Variants in FBXL17 observed in about 807,000 individuals in gnomAD.
The protein encoded by FBXL17 is F-box/LRR-repeat protein 17.
A neutral mutation model predicts 66.2 loss-of-function variants in FBXL17; 22 were observed. The ratio of observed to expected loss-of-function variants is 0.33; its 90% CI spans 0.24 to 0.47. FBXL17 has a LOEUF of 0.47. Ranked by LOEUF, FBXL17 falls within the 20% of genes least tolerant of loss-of-function variation. FBXL17 has a pLI of 1.00. For missense variants in FBXL17, 878 were observed against 948.2 expected (o/e 0.93, Z 0.97); for synonymous variants, 474 against 400.5 (o/e 1.18, Z -2.19).
At chr5:108,167,690 T>C (rs1232516578) in intron 6 of FBXL17, among the ~76,000 whole-genome samples, 8 of 152,254 alleles carry the variant, frequency 5.3e-5, no homozygotes, top group Admixed American at 3.3e-4. Flanking sequence ...TTTTATAAAA[T>C]GAATATGTCA....
chr5:108,358,967 G>A (rs1438741850), intron 3 of FBXL17, among the ~76,000 whole-genome samples: 2 of 151,918 alleles, frequency 1.3e-5, no homozygotes, highest in African/African-American at 4.8e-5. Flanking sequence ...AGCCTCCTGG[G>A]CTCAAGCAAT....
At chr5:107,910,112 A>G (rs1298964458) in intron 7 of FBXL17, among the ~76,000 whole-genome samples, 1 of 123,944 alleles carries the variant, frequency 8.1e-6, no homozygotes, top group Non-Finnish European at 1.7e-5. Context: ...GCAGTGTGGG[A>G]TGGGGGTTTG....
rs527710544 is a variant in FBXL17, at chr5:107,936,431, AT to A, written c.1823-55253del. Among the ~76,000 whole-genome samples the A allele has an allele frequency of 5.3e-3, 807 of 152,114 alleles. 8 individuals are homozygous for A. Among genetic ancestry groups the A allele is most frequent in the African/African-American group, 0.019 (779 of 41,526 alleles). On this transcript the variant is annotated intron_variant, in intron 7 of 8. Coordinates refer to ENST00000542267, the MANE Select transcript of FBXL17 (RefSeq NM_001163315.3). ...TTGCAAGTTACTTAATTTACTATTTATTTTTTTAAAAAAAATTCCCAGGGGC... is the reference window on the plus strand; with the variant it reads ...TTGCAAGTTACTTAATTTACTATTTATTTTTTAAAAAAAATTCCCAGGGGC...
At chr5:107,879,378 G>T in intron 8 of FBXL17, 1 of 985,290 alleles carries the variant, frequency 1.0e-6, no homozygotes, top group Non-Finnish European at 1.2e-6. Flanking sequence ...TGTCTTAAAA[G>T]AAGTCATTTT....
intron 7 of FBXL17, among the ~76,000 whole-genome samples, chr5:107,935,409 ATATGTG>A (rs1269761719): frequency 5.4e-5 from 8 of 149,076 alleles, no homozygotes; most frequent in African/African-American, 1.7e-4. Context: ...TTATATATAT[ATATGTG>A]TGTGTGTGTG....
intron 4 of FBXL17, among the ~76,000 whole-genome samples, chr5:108,331,015 T>G (rs970291798): frequency 1.3e-5 from 2 of 152,150 alleles, no homozygotes; most frequent in African/African-American, 2.4e-5. Context: ...ACTGCGCCAC[T>G]GCACTACAGC....
chr5:108,085,082 A>T (rs113414370), intron 6 of FBXL17, among the ~76,000 whole-genome samples: 91 of 152,326 alleles, frequency 6.0e-4, no homozygotes, highest in Non-Finnish European at 1.1e-3. Context: ...CCAGAGCAAA[A>T]AAGACAAGAT....
intron 4 of FBXL17, among the ~76,000 whole-genome samples, chr5:108,333,356 T>C (rs1366642984): frequency 2.6e-5 from 4 of 152,010 alleles, no homozygotes; most frequent in Admixed American, 2.0e-4. Context: ...AACATGAGAC[T>C]TCATGCAAAG....
intron 4 of FBXL17, among the ~76,000 whole-genome samples, chr5:108,315,507 C>T (rs1301336646): frequency 1.3e-5 from 2 of 151,086 alleles, no homozygotes; most frequent in Non-Finnish European, 3.0e-5. Context: ...TTAAAAATTA[C>T]CCCAAGCTTT....
At chr5:108,206,904 T>C (rs185892199) in intron 5 of FBXL17, among the ~76,000 whole-genome samples, 56 of 152,284 alleles carry the variant, frequency 3.7e-4, no homozygotes, top group African/African-American at 1.3e-3. Flanking sequence ...CTGTATCATA[T>C]AGCAGGTACA....
At chr5:107,896,687 A>G (rs1315370475) in intron 7 of FBXL17, among the ~76,000 whole-genome samples, 1 of 152,208 alleles carries the variant, frequency 6.6e-6, no homozygotes, top group Non-Finnish European at 1.5e-5. Flanking sequence ...AAGCCATGAC[A>G]TTACAAGAAA....
At chr5:108,376,822 CTG>C (rs1749459580) in intron 1 of FBXL17, among the ~76,000 whole-genome samples, 1 of 138,642 alleles carries the variant, frequency 7.2e-6, no homozygotes, top group African/African-American at 2.7e-5. Flanking sequence ...GAGTCTCACT[CTG>C]TTGCCAGGCT....
intron 7 of FBXL17, among the ~76,000 whole-genome samples, chr5:107,941,410 C>T (rs1199974921): frequency 2.6e-5 from 4 of 152,196 alleles, no homozygotes; most frequent in African/African-American, 4.8e-5. Context: ...AGAATACCCT[C>T]GGCTGAGTTA....
In FBXL17 at chr5:108,009,258, G is replaced by GTT. The variant is rs34746145; in HGVS notation, c.1822+11665_1822+11666dup. On this transcript the variant is annotated intron_variant, in intron 7 of 8. Transcript: ENST00000542267. ...ACAGCTTGGTCGTGAGTTGTTCCCT[G>GTT]TTTTATATATATATATATATATATA... Among the ~76,000 whole-genome samples the GTT allele has an allele frequency of 3.5e-3, 33 of 9,310 alleles. 1 individual carries two copies. Among genetic ancestry groups the GTT allele is most frequent in the African/African-American group, 5.1e-3 (29 of 5,640 alleles). The allele number at this position is 9,310 out of a possible 152,430, so 6.1% of individuals were successfully genotyped here. A position where few individuals can be genotyped will look rare whatever the true frequency, so the allele number is the denominator to read the frequency against.
At chr5:107,900,347 G>A (rs1749531848) in intron 7 of FBXL17, among the ~76,000 whole-genome samples, 1 of 152,082 alleles carries the variant, frequency 6.6e-6, no homozygotes, top group South Asian at 2.1e-4. Context: ...TTCAGGTCAA[G>A]AGAGATGTCT....
At position 108,186,265 on chromosome 5, in the gene FBXL17, A is replaced by G; in HGVS notation, c.1615-18T>C. The G allele has an allele frequency of 6.2e-7, 1 of 1,602,776 alleles. No homozygotes were observed. Among genetic ancestry groups the G allele is most frequent in the East Asian group, 2.2e-5 (1 of 44,662 alleles). ...TTTCTTAGCTAATGAGATAAATAAAATGAAAGATGAAAAAGGTAAATGCTA... is the reference window on the plus strand; with the variant it reads ...TTTCTTAGCTAATGAGATAAATAAAGTGAAAGATGAAAAAGGTAAATGCTA... On this transcript the variant is annotated intron_variant, in intron 5 of 8. Coordinates refer to ENST00000542267, the MANE Select transcript of FBXL17 (RefSeq NM_001163315.3).
chr5:108,318,672 C>G (rs183296532), intron 4 of FBXL17, among the ~76,000 whole-genome samples: 10 of 151,924 alleles, frequency 6.6e-5, no homozygotes, highest in Admixed American at 6.6e-4. Context: ...AAACAGAAAA[C>G]TAGCCTAATT....
At chr5:108,132,367 T>C (rs554261066) in intron 6 of FBXL17, among the ~76,000 whole-genome samples, 1 of 152,300 alleles carries the variant, frequency 6.6e-6, no homozygotes, top group South Asian at 2.1e-4. Flanking sequence ...ATGACCACAA[T>C]AGACCAAAAT....
intron 7 of FBXL17, among the ~76,000 whole-genome samples, chr5:107,971,501 C>T (rs1430209702): frequency 6.6e-6 from 1 of 152,062 alleles, no homozygotes; most frequent in Admixed American, 6.6e-5. Context: ...TATGAGGTCC[C>T]CATCCTTTAA....
Sources: allele counts gnomAD v4.1 joint callset (sites outside exome capture counted in the v4.1 genomes callset), GRCh38; gene constraint gnomAD v4.1.1; transcripts MANE v1.5; gene names NCBI Gene and HGNC (gene_info 2026-07-23, HGNC 2026-07-21).